Variants in SRPK1 observed in about 807,000 individuals in gnomAD.
SRPK1 encodes SFRS protein kinase 1.
Under a neutral mutation model 89.5 loss-of-function variants are expected in SRPK1, and 52 were observed. The ratio of observed to expected loss-of-function variants is 0.58; its 90% CI spans 0.46 to 0.73. The LOEUF (loss-of-function observed/expected upper bound fraction) is 0.73. SRPK1 is among the 30% of genes least tolerant of loss of function. The probability of loss-of-function intolerance (pLI) is 0.00; values close to 1 mark genes in which losing one functional copy is unlikely to be tolerated. For synonymous variants in SRPK1, 255 were observed against 270.2 expected, an observed-to-expected ratio of 0.94 and a Z score of 0.55; for missense variants, 603 against 780.6, an observed-to-expected ratio of 0.77 and a Z score of 2.71.
At chr6:35,904,692 G>A (rs1243919607) in intron 2 of SRPK1, among the ~76,000 whole-genome samples, 2 of 151,960 alleles carry the variant, frequency 1.3e-5, no homozygotes, top group South Asian at 2.1e-4. Flanking sequence ...CCAGCTACTC[G>A]GGAGGCTAAG....
At chr6:35,886,392 T>G (rs1480007465) in intron 6 of SRPK1, among the ~76,000 whole-genome samples, 1 of 152,162 alleles carries the variant, frequency 6.6e-6, no homozygotes, top group Non-Finnish European at 1.5e-5. Context: ...CTCAGTATTT[T>G]TCATAAGAAA....
intron 2 of SRPK1, among the ~76,000 whole-genome samples, chr6:35,918,224 G>T (rs1412656409): frequency 6.6e-6 from 1 of 152,234 alleles, no homozygotes; most frequent in Non-Finnish European, 1.5e-5. Flanking sequence ...AAAAGAGCAA[G>T]GTGCAGTGGC....
rs1403162406 is a variant in SRPK1, at chr6:35,834,567, C to CA, written c.*736dup. On this transcript the variant is annotated 3_prime_UTR_variant, in exon 16 of 16. Transcript: ENST00000373825. The stretch of plus-strand genomic sequence containing the variant: ...TGGTCTTAGGGTAATAGAAGACATA[C>CA]AGGAAAGGACTGTTTATAGAACACC... 1.3e-5 allele frequency: 2 copies of CA among 152,110 alleles called. No individual in the cohort carries two copies. Among genetic ancestry groups the CA allele is most frequent in the East Asian group, 3.8e-4 (2 of 5,200 alleles). 9.4% of individuals were successfully genotyped at this position (152,110 alleles called of 1,614,324 possible).
chr6:35,905,334 C>T (rs976544605), intron 2 of SRPK1, among the ~76,000 whole-genome samples: 1 of 152,144 alleles, frequency 6.6e-6, no homozygotes, highest in Non-Finnish European at 1.5e-5. Context: ...ACACTTCACA[C>T]ACTCTAATAA....
At chr6:35,874,716 C>T (rs576585775) in intron 6 of SRPK1, among the ~76,000 whole-genome samples, 68 of 152,210 alleles carry the variant, frequency 4.5e-4, no homozygotes, top group Non-Finnish European at 8.5e-4. Context: ...AAATTGGTGT[C>T]CAGGGTAAAA....
At chr6:35,919,344 G>T (rs73729623) in intron 2 of SRPK1, among the ~76,000 whole-genome samples, 3,007 of 152,166 alleles carry the variant, frequency 0.02, 102 homozygotes, top group African/African-American at 0.068. Context: ...CAAACAGTAG[G>T]TAGCCTCCAA....
At chr6:35,855,168 G>A (rs6457864) in intron 13 of SRPK1, among the ~76,000 whole-genome samples, 47,884 of 151,908 alleles carry the variant, frequency 0.32, 7,787 homozygotes, top group South Asian at 0.42. Context: ...CAGGCATGGT[G>A]GCGGCCACCT....
intron 2 of SRPK1, among the ~76,000 whole-genome samples, chr6:35,900,372 A>G (rs1165135257): frequency 6.6e-6 from 1 of 152,208 alleles, no homozygotes; most frequent in Non-Finnish European, 1.5e-5. Context: ...AGAAACAAGC[A>G]AGTATGTGTT....
intron 2 of SRPK1, among the ~76,000 whole-genome samples, chr6:35,894,762 G>C (rs192619828): frequency 6.6e-6 from 1 of 152,074 alleles, no homozygotes; most frequent in East Asian, 1.9e-4. Context: ...CCTAGTCTAA[G>C]TATCAACAAC....
chr6:35,850,304 G>A (rs573134404), intron 13 of SRPK1, among the ~76,000 whole-genome samples: 98 of 152,198 alleles, frequency 6.4e-4, no homozygotes, highest in African/African-American at 2.2e-3. Context: ...CTTACTGCTC[G>A]TCTTAGATAT....
intron 8 of SRPK1, among the ~76,000 whole-genome samples, chr6:35,871,574 A>C (rs113168100): frequency 0.011 from 1,682 of 152,324 alleles, 18 homozygotes; most frequent in Middle Eastern, 0.031. Context: ...AACTACATCC[A>C]TTTAACAACC....
chr6:35,834,161 C>G lies in SRPK1; in HGVS notation c.*1143G>C, dbSNP rs1305793565. On this transcript the variant is annotated 3_prime_UTR_variant, in exon 16 of 16. Transcript: ENST00000373825. ...TCTTAAAAAATAACGAACCAACCAA[C>G]CAAAAAACAAAACAAAACAAGACCA... 1 of 151,950 alleles carries G rather than the reference C, an allele frequency of 6.6e-6. No individual in the cohort carries two copies. 9.4% of individuals were successfully genotyped at this position (151,950 alleles called of 1,614,324 possible). A position where few individuals can be genotyped will look rare whatever the true frequency, so the allele number is the denominator to read the frequency against.
chr6:35,873,393 G>A (rs2127248179), intron 7 of SRPK1, among the ~76,000 whole-genome samples: 1 of 152,250 alleles, frequency 6.6e-6, no homozygotes, highest in Non-Finnish European at 1.5e-5. Flanking sequence ...TATTATAGGA[G>A]GCAAACCTGG....
At chr6:35,866,016 A>T (rs1161300858) in intron 12 of SRPK1, among the ~76,000 whole-genome samples, 1 of 150,038 alleles carries the variant, frequency 6.7e-6, no homozygotes, top group Non-Finnish European at 1.5e-5. Context: ...CAACTCAATT[A>T]AAAAAAAAAC....
At chr6:35,870,201 G>C in intron 10 of SRPK1, 80 bp downstream of exon 10, 1 of 1,275,834 alleles carries the variant, frequency 7.8e-7, no homozygotes, top group East Asian at 2.4e-5. Context: ...TTGTATGTAT[G>C]AAACCACTGT....
At chr6:35,896,800 A>G (rs1279060087) in intron 2 of SRPK1, among the ~76,000 whole-genome samples, 1 of 152,250 alleles carries the variant, frequency 6.6e-6, no homozygotes, top group African/African-American at 2.4e-5. Context: ...AACATTATTC[A>G]TAATAACCAA....
chr6:35,878,797 T>C (rs1770214398), intron 6 of SRPK1, among the ~76,000 whole-genome samples: 2 of 152,168 alleles, frequency 1.3e-5, no homozygotes, highest in Admixed American at 6.5e-5. Flanking sequence ...ACATTAAGAC[T>C]AGGACATTTA....
chr6:35,846,855 C>T (rs1434349850), intron 13 of SRPK1, among the ~76,000 whole-genome samples: 3 of 152,152 alleles, frequency 2.0e-5, no homozygotes, highest in African/African-American at 2.4e-5. Context: ...GAAGTAACAG[C>T]AATCTGTCTC....
chr6:35,872,537 A>G, intron 8 of SRPK1, 26 bp downstream of exon 8: 2 of 1,557,158 alleles, frequency 1.3e-6, no homozygotes, highest in South Asian at 1.3e-5. Flanking sequence ...TTCTAATGAT[A>G]GCGAAGTCCC....
Sources: gnomAD v4.1 joint callset for allele counts (sites outside exome capture counted in the v4.1 genomes callset) on GRCh38, gnomAD v4.1.1 for gene constraint, MANE v1.5 for transcripts, NCBI Gene and HGNC (gene_info 2026-07-23, HGNC 2026-07-21) for gene names.